Variants in SPTLC3 observed in about 807,000 individuals in gnomAD.
The protein encoded by SPTLC3 is serine palmitoyltransferase 3.
A neutral mutation model predicts 59.3 loss-of-function variants in SPTLC3; 36 were observed. The observed-to-expected ratio is 0.61, with a 90% confidence interval of 0.47 to 0.80. SPTLC3 has a LOEUF of 0.80. Among genes scored for constraint, SPTLC3 ranks in the 30% least tolerant of loss-of-function variants. SPTLC3 has a pLI of 0.00. For synonymous variants in SPTLC3, 257 were observed against 240.8 expected, an observed-to-expected ratio of 1.07 and a Z score of -0.62; for missense variants, 625 against 685.1, an observed-to-expected ratio of 0.91 and a Z score of 0.98.
At chr20:13,136,381 G>A (rs1176692789) in intron 9 of SPTLC3, among the ~76,000 whole-genome samples, 1 of 151,940 alleles carries the variant, frequency 6.6e-6, no homozygotes, top group Non-Finnish European at 1.5e-5. Context: ...TGGATCACCC[G>A]AGCTCAGAAA....
chr20:13,034,207 T>C (rs904046232), intron 1 of SPTLC3, among the ~76,000 whole-genome samples: 1 of 150,432 alleles, frequency 6.6e-6, no homozygotes, highest in African/African-American at 2.5e-5. Flanking sequence ...AAAAAAAAAA[T>C]GTATTTGATA....
chr20:13,101,404 G>C (rs1417422210), intron 6 of SPTLC3, among the ~76,000 whole-genome samples: 2 of 152,212 alleles, frequency 1.3e-5, no homozygotes, highest in Non-Finnish European at 2.9e-5. Context: ...ACTCAGTCCA[G>C]TGTGATGGCT....
At chr20:13,024,998 T>C (rs1487073556) in intron 1 of SPTLC3, among the ~76,000 whole-genome samples, 1 of 152,224 alleles carries the variant, frequency 6.6e-6, no homozygotes, top group Non-Finnish European at 1.5e-5. Context: ...ATTTCTTTAG[T>C]ATCAATTTCA....
chr20:13,103,877 C>G (rs548149358), intron 6 of SPTLC3, among the ~76,000 whole-genome samples: 1 of 152,318 alleles, frequency 6.6e-6, no homozygotes, highest in African/African-American at 2.4e-5. Context: ...TGGGTTTTTT[C>G]TTCCGGAAGA....
At chr20:13,022,371 G>A (rs1167643672) in intron 1 of SPTLC3, among the ~76,000 whole-genome samples, 1 of 152,160 alleles carries the variant, frequency 6.6e-6, no homozygotes, top group Non-Finnish European at 1.5e-5. Flanking sequence ...GTCTATTGCT[G>A]CATAACAATG....
chr20:13,017,134 G>T (rs1985568911), intron 1 of SPTLC3, among the ~76,000 whole-genome samples: 1 of 152,126 alleles, frequency 6.6e-6, no homozygotes, highest in Admixed American at 6.6e-5. Context: ...AGCCTTAAAG[G>T]GCAGAGTCAG....
At chr20:13,049,227 A>C in intron 2 of SPTLC3, 97 bp downstream of exon 2, 1 of 1,353,028 alleles carries the variant, frequency 7.4e-7, no homozygotes, top group Non-Finnish European at 1.0e-6. Context: ...AGAAAGCATG[A>C]GGTGCTCAGG....
rs1198847622 is a variant in SPTLC3 at position 13,165,810 on chromosome 20, G to C, written c.*943G>C. 2.0e-5 allele frequency: 3 copies of C among 152,168 alleles called. No individual in the cohort carries two copies. Among genetic ancestry groups the C allele is most frequent in the Non-Finnish European group, 4.4e-5 (3 of 68,036 alleles). The allele number at this position is 152,168 out of a possible 1,614,324, so 9.4% of individuals were successfully genotyped here. A position where few individuals can be genotyped will look rare whatever the true frequency, so the allele number is the denominator to read the frequency against. ...ATATTTGAAGAATGCATTGATTCAA[G>C]AAGGACATTTAAAAGCAAATTCTGA... On this transcript the variant is annotated 3_prime_UTR_variant, in exon 12 of 12. Coordinates refer to ENST00000399002, the MANE Select transcript of SPTLC3 (RefSeq NM_018327.4).
chr20:13,160,225 T>G, intron 11 of SPTLC3, 93 bp downstream of exon 11: 2 of 1,419,092 alleles, frequency 1.4e-6, no homozygotes, highest in South Asian at 3.5e-5. Context: ...TCTCTGGGTT[T>G]CTCTTGGGTT....
At chr20:13,120,342 A>G (rs1990831449) in intron 8 of SPTLC3, among the ~76,000 whole-genome samples, 1 of 152,222 alleles carries the variant, frequency 6.6e-6, no homozygotes, top group Non-Finnish European at 1.5e-5. Context: ...TGTATACAAA[A>G]GCAACAAAAT....
intron 8 of SPTLC3, among the ~76,000 whole-genome samples, chr20:13,124,300 A>C (rs532174870): frequency 6.6e-6 from 1 of 151,942 alleles, no homozygotes; most frequent in Non-Finnish European, 1.5e-5. Flanking sequence ...TGCTGGAAGG[A>C]AAGATGGAAG....
At chr20:13,119,657 TCTC>T (rs140125243) in intron 8 of SPTLC3, among the ~76,000 whole-genome samples, 205 of 152,280 alleles carry the variant, frequency 1.3e-3, no homozygotes, top group African/African-American at 4.7e-3. Flanking sequence ...TTCTCTGTCT[TCTC>T]TTCCCTTCAT....
intron 7 of SPTLC3, among the ~76,000 whole-genome samples, chr20:13,110,488 A>G (rs921038575): frequency 1.3e-5 from 2 of 152,138 alleles, no homozygotes; most frequent in East Asian, 1.9e-4. Context: ...ACTTGAGTTG[A>G]TCTTTCCACT....
intron 9 of SPTLC3, among the ~76,000 whole-genome samples, chr20:13,146,055 GA>G (rs2038502347): frequency 6.6e-6 from 1 of 152,138 alleles, no homozygotes; most frequent in South Asian, 2.1e-4. Context: ...ACTGAATAAA[GA>G]AAATTTGGTA....
chr20:13,110,666 C>T (rs552105923), intron 7 of SPTLC3, among the ~76,000 whole-genome samples: 2 of 152,204 alleles, frequency 1.3e-5, no homozygotes, highest in South Asian at 4.2e-4. Flanking sequence ...TTAGTGATTG[C>T]CATCAATACA....
At chr20:13,152,043 T>C (rs2038661240) in intron 9 of SPTLC3, among the ~76,000 whole-genome samples, 1 of 152,138 alleles carries the variant, frequency 6.6e-6, no homozygotes, top group African/African-American at 2.4e-5. Context: ...GTTTTATTGA[T>C]CTTCAGAAGA....
intron 9 of SPTLC3, among the ~76,000 whole-genome samples, chr20:13,136,048 G>A (rs2038234962): frequency 6.6e-6 from 1 of 152,182 alleles, no homozygotes; most frequent in African/African-American, 2.4e-5. Flanking sequence ...TCTGATTTCA[G>A]TAGAATACAC....
rs770409196 is a variant in SPTLC3 at position 13,009,324 on chromosome 20, A to T, written c.57A>T (p.Lys19Asn). The T allele has an allele frequency of 1.9e-6, 3 of 1,614,012 alleles. No homozygotes were observed. The African/African-American group carries it at 4.0e-5, about 22-fold the overall frequency. ...VCNGKLHNHK[K>N]QSNGSQSRNC... ...ACGGGAAACTTCACAATCACAAGAAACAGAGCAATGGCTCACAAAGCAGAA... is the reference window on the plus strand; with the variant it reads ...ACGGGAAACTTCACAATCACAAGAATCAGAGCAATGGCTCACAAAGCAGAA... The change falls in exon 1 of 12, where the codon AAA becomes AAT. Residue 19 changes from lysine to asparagine, a missense_variant. Coordinates refer to ENST00000399002, the MANE Select transcript of SPTLC3 (RefSeq NM_018327.4).
chr20:13,098,818 T>A (rs1411875496), intron 6 of SPTLC3, among the ~76,000 whole-genome samples: 2 of 152,176 alleles, frequency 1.3e-5, no homozygotes, highest in African/African-American at 2.4e-5. Flanking sequence ...CTTAGAGTTA[T>A]TAAGCAACTT....
Sources: gnomAD v4.1 joint callset for allele counts (sites outside exome capture counted in the v4.1 genomes callset) on GRCh38, gnomAD v4.1.1 for gene constraint, MANE v1.5 for transcripts, NCBI Gene and HGNC (gene_info 2026-07-23, HGNC 2026-07-21) for gene names.